Variants in CDC42 observed in about 807,000 individuals in gnomAD.
The protein encoded by CDC42 is cell division cycle 42.
Under a neutral mutation model 20.8 loss-of-function variants are expected in CDC42, and 1 was observed. The ratio of observed to expected loss-of-function variants is 0.05; its 90% CI spans 0.02 to 0.23. The LOEUF (loss-of-function observed/expected upper bound fraction) is 0.23. Among genes scored for constraint, CDC42 ranks in the 10% least tolerant of loss-of-function variants. CDC42 has a pLI of 1.00. For missense variants in CDC42, 49 were observed against 227.9 expected, an observed-to-expected ratio of 0.21 and a Z score of 5.05; for synonymous variants, 72 against 84.8, an observed-to-expected ratio of 0.85 and a Z score of 0.83.
chr1:22,066,158 T>G (rs1463021772), intron 1 of CDC42, among the ~76,000 whole-genome samples: 1 of 152,190 alleles, frequency 6.6e-6, no homozygotes, highest in Non-Finnish European at 1.5e-5. Context: ...TTGGCTGCAT[T>G]GGGACGGGGA....
intron 3 of CDC42, among the ~76,000 whole-genome samples, chr1:22,082,908 T>C (rs1405830242): frequency 6.6e-6 from 1 of 150,962 alleles, no homozygotes; most frequent in African/African-American, 2.4e-5. Flanking sequence ...AGATGGAGTT[T>C]TGCTGTTGTT....
At chr1:22,090,867 G>A in intron 5 of CDC42, 1 of 932,690 alleles carries the variant, frequency 1.1e-6, no homozygotes, top group Non-Finnish European at 1.3e-6. Context: ...TATGTATCAG[G>A]TACCCACATT....
Position 22,081,938 on chromosome 1 carries a change from G to A in CDC42, c.178+144G>A, listed in dbSNP as rs573373328. On this transcript the variant is annotated intron_variant, in intron 3 of 5. Transcript: ENST00000656825. ...AGCAGGATTGAATATAATGATTGTC[G>A]ATGCTTGACCAAGGAGCAGTCCCAG... The A allele has an allele frequency of 2.7e-5, 17 of 622,106 alleles. No individual in the cohort carries two copies. The African/African-American group carries it at 3.1e-4, about 11-fold the overall frequency. 38.5% of individuals were successfully genotyped at this position (622,106 alleles called of 1,614,324 possible). A position where few individuals can be genotyped will look rare whatever the true frequency, so the allele number is the denominator to read the frequency against.
In CDC42 at chr1:22,098,915, C is replaced by T. The variant is rs1225731353; in HGVS notation, c.*7398C>T. On this transcript the variant is annotated 3_prime_UTR_variant, in exon 6 of 6. Coordinates refer to ENST00000656825, the MANE Select transcript of CDC42 (RefSeq NM_001791.4). ...AAGGTACTACAGGTGTGTGACACCA[C>T]GCCTGGCTCATTTTTGCATTTTGTG... Among the ~76,000 whole-genome samples the T allele has an allele frequency of 2.6e-5, 4 of 152,100 alleles. No homozygotes were observed. Among genetic ancestry groups the T allele is most frequent in the African/African-American group, 4.8e-5 (2 of 41,432 alleles).
chr1:22,086,657 A>G lies in CDC42; in HGVS notation c.289-12A>G. On this transcript the variant is annotated splice_polypyrimidine_tract_variant and intron_variant, in intron 4 of 5. Transcript: ENST00000656825. ...GATTAACAAAGGTGTATTTTAAAATACCTTTTTTTAGTGGGTGCCTGAGAT... is the reference window on the plus strand; with the variant it reads ...GATTAACAAAGGTGTATTTTAAAATGCCTTTTTTTAGTGGGTGCCTGAGAT... 3.7e-6 allele frequency: 6 copies of G among 1,613,278 alleles called. No homozygotes were observed. The highest frequency in any genetic ancestry group is 5.1e-6 in the Non-Finnish European group (6 of 1,179,372).
rs1645780034 is a variant in CDC42, at chr1:22,100,002, C to CT, written c.*8492dup. Among the ~76,000 whole-genome samples, 2 of 149,302 alleles carry CT rather than the reference C, an allele frequency of 1.3e-5. No homozygotes were observed. Among genetic ancestry groups the CT allele is most frequent in the Admixed American group, 6.7e-5 (1 of 14,858 alleles). On this transcript the variant is annotated 3_prime_UTR_variant, in exon 6 of 6. Coordinates refer to ENST00000656825, the MANE Select transcript of CDC42 (RefSeq NM_001791.4). ...TGTCTCTAGAGTCTGCTCAGCTGGC[C>CT]TTTTTTTCTTTCTTCTTCTTCTTCT...
chr1:22,068,967 CTG>C (rs1486036393), intron 1 of CDC42: 2 of 152,096 alleles, frequency 1.3e-5, no homozygotes, highest in Non-Finnish European at 2.9e-5. Flanking sequence ...TGTTTATTGT[CTG>C]TGTACCCCAC....
chr1:22,078,390 G>T, intron 1 of CDC42, 39 bp from the exon 2 acceptor site: 1 of 980,870 alleles, frequency 1.0e-6, no homozygotes, highest in Non-Finnish European at 1.5e-6. Context: ...AAATCCATAT[G>T]TAAGTATAAA....
At chr1:22,087,500 T>C (rs1570040328) in intron 5 of CDC42, among the ~76,000 whole-genome samples, 1 of 152,056 alleles carries the variant, frequency 6.6e-6, no homozygotes, top group East Asian at 1.9e-4. Flanking sequence ...TAGGGAGCAA[T>C]GTTAGGGTAT....
intron 1 of CDC42, among the ~76,000 whole-genome samples, chr1:22,058,507 A>G (rs929390086): frequency 7.4e-6 from 1 of 135,746 alleles, no homozygotes; most frequent in African/African-American, 2.8e-5. Context: ...TTTGAGATGG[A>G]GTTTTGCCCT....
At chr1:22,072,693 C>T (rs573044218) in intron 1 of CDC42, among the ~76,000 whole-genome samples, 1 of 151,984 alleles carries the variant, frequency 6.6e-6, no homozygotes, top group South Asian at 2.1e-4. Flanking sequence ...TCCTAGCATC[C>T]CTTCCACCGC....
intron 1 of CDC42, among the ~76,000 whole-genome samples, chr1:22,073,442 G>C (rs1260369708): frequency 6.6e-6 from 1 of 151,950 alleles, no homozygotes; most frequent in African/African-American, 2.4e-5. Context: ...GGGAGGCTGA[G>C]GTGGGAGAAT....
chr1:22,074,462 G>A (rs1570004381), intron 1 of CDC42, among the ~76,000 whole-genome samples: 1 of 152,106 alleles, frequency 6.6e-6, no homozygotes, highest in Non-Finnish European at 1.5e-5. Flanking sequence ...TTTAATAGGA[G>A]ATTAACATAG....
At chr1:22,078,646 G>T in intron 2 of CDC42, 63 bp downstream of exon 2, 1 of 1,556,190 alleles carries the variant, frequency 6.4e-7, no homozygotes, top group Non-Finnish European at 8.8e-7. Context: ...TTTTGAAAAC[G>T]CTTTCTCTAT....
At chr1:22,087,950 T>C (rs16826549) in intron 5 of CDC42, among the ~76,000 whole-genome samples, 3,790 of 152,284 alleles carry the variant, frequency 0.025, 143 homozygotes, top group African/African-American at 0.084. Context: ...GATAAAACTT[T>C]TATGCTTAAC....
At chr1:22,090,317 G>A in intron 5 of CDC42, 1 of 1,096,448 alleles carries the variant, frequency 9.1e-7, no homozygotes, top group Non-Finnish European at 1.1e-6. Context: ...ACTTGGTCTG[G>A]CTTTAAGAAT....
rs942455628 is a variant in CDC42, at chr1:22,092,552, CCT to C, written c.*1039_*1040del. 2 of 151,460 alleles carry C rather than the reference CCT, an allele frequency of 1.3e-5. No individual in the cohort carries two copies. The highest frequency in any genetic ancestry group is 4.9e-5 in the African/African-American group (2 of 40,918). The allele number at this position is 151,460 out of a possible 1,614,324, so 9.4% of individuals were successfully genotyped here. ...CAGACATCTGTGGAATGATTCACAT[CCT>C]CTCAAGTTAGGAGGATGGAGGCCTG... On this transcript the variant is annotated 3_prime_UTR_variant, in exon 6 of 6. Transcript: ENST00000656825.
At chr1:22,078,177 A>G (rs12132089) in intron 1 of CDC42, among the ~76,000 whole-genome samples, 1,686 of 152,344 alleles carry the variant, frequency 0.011, 20 homozygotes, top group Middle Eastern at 0.041. Context: ...AAATTCGCTG[A>G]TTATCACACC....
intron 1 of CDC42, among the ~76,000 whole-genome samples, chr1:22,067,537 G>T (rs943928963): frequency 6.6e-6 from 1 of 152,128 alleles, no homozygotes; most frequent in Non-Finnish European, 1.5e-5. Context: ...TGGAGACAGG[G>T]TTTCACCAAG....
Sources: gnomAD v4.1 joint callset for allele counts (sites outside exome capture counted in the v4.1 genomes callset) on GRCh38, gnomAD v4.1.1 for gene constraint, MANE v1.5 for transcripts, NCBI Gene and HGNC (gene_info 2026-07-23, HGNC 2026-07-21) for gene names.